Variants in TMEM33 observed in about 807,000 individuals in gnomAD.
TMEM33 encodes the protein transmembrane protein 33.
Under a neutral mutation model 29.7 loss-of-function variants are expected in TMEM33, and 16 were observed. That is an observed-to-expected ratio of 0.54 (90% confidence interval 0.36 to 0.82). The LOEUF (loss-of-function observed/expected upper bound fraction) is 0.82. Among genes scored for constraint, TMEM33 ranks in the 40% least tolerant of loss-of-function variants. The pLI is 0.00. For synonymous variants in TMEM33, 112 were observed against 109.4 expected, an observed-to-expected ratio of 1.02 and a Z score of -0.15; for missense variants, 252 against 295.3, an observed-to-expected ratio of 0.85 and a Z score of 1.08.
At chr4:41,941,847 T>C (rs774194300) in intron 3 of TMEM33, among the ~76,000 whole-genome samples, 11 of 152,184 alleles carry the variant, frequency 7.2e-5, no homozygotes, top group Non-Finnish European at 1.5e-4. Flanking sequence ...TAATAACAGA[T>C]AGGGCATTTC....
rs6830514 is a variant in TMEM33 at position 41,954,296 on chromosome 4, A to G, written c.*97A>G. The G allele has an allele frequency of 0.049, 59,973 of 1,233,002 alleles. 1,849 individuals carry two copies. Among genetic ancestry groups the G allele is most frequent in the African/African-American group, 0.12 (7,539 of 65,340 alleles). 76.4% of individuals were successfully genotyped at this position (1,233,002 alleles called of 1,614,324 possible). A position where few individuals can be genotyped will look rare whatever the true frequency, so the allele number is the denominator to read the frequency against. ...AATTCCAGGTGTTACACTGACCTCA[A>G]TCCAATTTACATAATTTACATAAAT... is the stretch of plus-strand genomic sequence containing the variant. On this transcript the variant is annotated 3_prime_UTR_variant, in exon 7 of 7. Coordinates refer to ENST00000504986, the MANE Select transcript of TMEM33 (RefSeq NM_018126.3).
intron 6 of TMEM33, among the ~76,000 whole-genome samples, chr4:41,951,509 A>C (rs1219255322): frequency 6.6e-6 from 1 of 152,228 alleles, no homozygotes; most frequent in African/African-American, 2.4e-5. Flanking sequence ...TAAAAGAACT[A>C]TGTGACTTTA....
At chr4:41,937,329 A>G (rs1712290677) in intron 1 of TMEM33, among the ~76,000 whole-genome samples, 1 of 152,190 alleles carries the variant, frequency 6.6e-6, no homozygotes, top group African/African-American at 2.4e-5. Flanking sequence ...ATTACTGCTA[A>G]TCATTTCAGT....
intron 1 of TMEM33, among the ~76,000 whole-genome samples, chr4:41,936,553 A>T (rs1304278399): frequency 1.3e-5 from 2 of 152,016 alleles, no homozygotes; most frequent in Admixed American, 1.3e-4. Context: ...AAAACAAACA[A>T]ACAAACAAAC....
intron 6 of TMEM33, among the ~76,000 whole-genome samples, chr4:41,953,359 T>C (rs1267827456): frequency 1.3e-5 from 2 of 152,232 alleles, no homozygotes; most frequent in Non-Finnish European, 1.5e-5. Context: ...GAAGTTATGT[T>C]TACACTCTAC....
chr4:41,950,723 G>C (rs932587511), intron 6 of TMEM33, among the ~76,000 whole-genome samples: 1 of 151,658 alleles, frequency 6.6e-6, no homozygotes, highest in African/African-American at 2.4e-5. Flanking sequence ...TTTCTTTCTG[G>C]TCCCTATATT....
In TMEM33 at chr4:41,957,493, C is replaced by A. The variant is rs1713318006; in HGVS notation, c.*3294C>A. ...CTTCCTTCTTCCTAAAAATCCAGAT[C>A]AAAACTTCAGGTTAGGTTTCTAAGT... On this transcript the variant is annotated 3_prime_UTR_variant, in exon 7 of 7. Coordinates refer to ENST00000504986, the MANE Select transcript of TMEM33 (RefSeq NM_018126.3). The A allele has an allele frequency of 6.6e-6, 1 of 151,622 alleles. No individual in the cohort carries two copies. The highest frequency in any genetic ancestry group is 2.4e-5 in the African/African-American group (1 of 41,282). The allele number at this position is 151,622 out of a possible 1,614,324, so 9.4% of individuals were successfully genotyped here. A position where few individuals can be genotyped will look rare whatever the true frequency, so the allele number is the denominator to read the frequency against.
chr4:41,935,869 A>G (rs546211324), intron 1 of TMEM33, among the ~76,000 whole-genome samples: 51 of 152,310 alleles, frequency 3.3e-4, no homozygotes, highest in Middle Eastern at 3.4e-3. Flanking sequence ...CATGACACAC[A>G]TGATCCATGA....
intron 4 of TMEM33, chr4:41,944,075 A>C (rs7688483): frequency 2.4e-6 from 1 of 409,402 alleles, no homozygotes; most frequent in Non-Finnish European, 4.4e-6. Flanking sequence ...GAAATAGATC[A>C]GTTTTTTTGA....
intron 3 of TMEM33, among the ~76,000 whole-genome samples, chr4:41,943,246 C>T (rs1031844140): frequency 3.9e-5 from 6 of 152,032 alleles, no homozygotes; most frequent in Admixed American, 6.6e-5. Context: ...GTGAATTGGC[C>T]GGGCGCAGTG....
At chr4:41,950,500 A>G (rs1408024301) in intron 6 of TMEM33, among the ~76,000 whole-genome samples, 6 of 152,090 alleles carry the variant, frequency 3.9e-5, no homozygotes, top group Non-Finnish European at 8.8e-5. Context: ...GCGAAGTAAT[A>G]TTTTAAAAGT....
At chr4:41,944,411 A>G (rs1178641777) in intron 4 of TMEM33, among the ~76,000 whole-genome samples, 1 of 152,216 alleles carries the variant, frequency 6.6e-6, no homozygotes. Flanking sequence ...TGGTCACAGC[A>G]GTAATTACAC....
chr4:41,939,500 A>G, intron 3 of TMEM33, 117 bp downstream of exon 3: 5 of 1,046,598 alleles, frequency 4.8e-6, no homozygotes, highest in Non-Finnish European at 5.6e-6. Context: ...TCGGCACTTC[A>G]TTTGAATGAA....
intron 1 of TMEM33, among the ~76,000 whole-genome samples, chr4:41,936,677 G>C (rs1037111004): frequency 6.6e-6 from 1 of 152,188 alleles, no homozygotes; most frequent in African/African-American, 2.4e-5. Flanking sequence ...GTGACAGAGC[G>C]AGACCCTATC....
rs948987699 is a variant in TMEM33 at position 41,957,860 on chromosome 4, C to G, written c.*3661C>G. 1.3e-5 allele frequency: 2 copies of G among 152,084 alleles called. No homozygotes were observed. The highest frequency in any genetic ancestry group is 2.9e-5 in the Non-Finnish European group (2 of 68,016). 9.4% of individuals were successfully genotyped at this position (152,084 alleles called of 1,614,324 possible). A position where few individuals can be genotyped will look rare whatever the true frequency, so the allele number is the denominator to read the frequency against. On this transcript the variant is annotated 3_prime_UTR_variant, in exon 7 of 7. Coordinates refer to ENST00000504986, the MANE Select transcript of TMEM33 (RefSeq NM_018126.3). ...TATAATCAGTAGGTGGCACTCTTTC[C>G]TCAGGTAGCCCCCCATTTTCACATG...
rs1299252052 is a variant in TMEM33 at position 41,956,349 on chromosome 4, G to A, written c.*2150G>A. Reference sequence around the variant, plus strand: ...TTTACTCAGGTCCTCTCATGTTAACGTTTTACATAACTGTAGAACATTTAT... The same window carrying A: ...TTTACTCAGGTCCTCTCATGTTAACATTTTACATAACTGTAGAACATTTAT... On this transcript the variant is annotated 3_prime_UTR_variant, in exon 7 of 7. Transcript: ENST00000504986. The A allele has an allele frequency of 1.3e-5, 2 of 151,966 alleles. No individual in the cohort carries two copies. The highest frequency in any genetic ancestry group is 6.6e-5 in the Admixed American group (1 of 15,242). The allele number at this position is 151,966 out of a possible 1,614,324, so 9.4% of individuals were successfully genotyped here.
intron 2 of TMEM33, among the ~76,000 whole-genome samples, chr4:41,938,932 A>G (rs527398042): frequency 6.2e-4 from 95 of 152,364 alleles, no homozygotes; most frequent in Admixed American, 2.7e-3. Flanking sequence ...TGGGAATGAG[A>G]TAAGTTCATG....
chr4:41,939,491 C>T (rs75529279), intron 3 of TMEM33, 108 bp downstream of exon 3: 26,089 of 1,183,868 alleles, frequency 0.022, 359 homozygotes, highest in African/African-American at 0.058. Context: ...GGTTTGTTCT[C>T]GGCACTTCAT....
intron 3 of TMEM33, among the ~76,000 whole-genome samples, chr4:41,941,452 G>A (rs1712538417): frequency 6.6e-6 from 1 of 152,220 alleles, no homozygotes; most frequent in Non-Finnish European, 1.5e-5. Context: ...GTGTTTCAAT[G>A]TAGGGTAAAC....
Sources: gnomAD v4.1 joint callset for allele counts (sites outside exome capture counted in the v4.1 genomes callset) on GRCh38, gnomAD v4.1.1 for gene constraint, MANE v1.5 for transcripts, NCBI Gene and HGNC (gene_info 2026-07-23, HGNC 2026-07-21) for gene names.